MAST4: variants seen among roughly 807,000 people sequenced by gnomAD.
The protein encoded by MAST4 is microtubule associated serine/threonine kinase family member 4.
In MAST4, 89 loss-of-function variants were observed where a neutral mutation model predicts 162.7. The observed-to-expected ratio is 0.55, with a 90% CI of 0.46 to 0.65. MAST4 has a LOEUF of 0.65. Ranked by LOEUF, MAST4 falls within the 30% of genes least tolerant of loss-of-function variation. MAST4 has a pLI of 0.00. For synonymous variants in MAST4, 1,479 were observed against 1,361.1 expected, an observed-to-expected ratio of 1.09 and a Z score of -1.91; for missense variants, 3,153 against 3,374.0, an observed-to-expected ratio of 0.93 and a Z score of 1.62.
intron 6 of MAST4, 138 bp downstream of exon 6, chr5:67,090,369 C>T: frequency 4.9e-6 from 2 of 404,608 alleles, no homozygotes; most frequent in Non-Finnish European, 9.1e-6. Flanking sequence ...CCCCCCACTT[C>T]CCCTTCTGCC....
At chr5:66,665,482 A>C (rs1180780999) in intron 1 of MAST4, among the ~76,000 whole-genome samples, 1 of 152,232 alleles carries the variant, frequency 6.6e-6, no homozygotes, top group Non-Finnish European at 1.5e-5. Flanking sequence ...GAACTATTTT[A>C]AATGGTATGA....
intron 1 of MAST4, among the ~76,000 whole-genome samples, chr5:66,653,934 G>C (rs1199901890): frequency 6.6e-6 from 1 of 152,162 alleles, no homozygotes; most frequent in Non-Finnish European, 1.5e-5. Context: ...GCCTGGCATA[G>C]TGCTGAACCA....
intron 14 of MAST4, among the ~76,000 whole-genome samples, chr5:67,127,245 C>T (rs1393245659): frequency 6.6e-6 from 1 of 152,148 alleles, no homozygotes; most frequent in African/African-American, 2.4e-5. Context: ...TACCTGATTG[C>T]CCTGGCCAGA....
chr5:66,994,721 T>A (rs538582810), intron 4 of MAST4, among the ~76,000 whole-genome samples: 1 of 152,366 alleles, frequency 6.6e-6, no homozygotes, highest in South Asian at 2.1e-4. Context: ...TAAACTGAAT[T>A]ACCTAGTCTC....
At position 66,703,698 on chromosome 5, in the gene MAST4, C is replaced by T. The variant is rs535824323; in HGVS notation, c.364-56011C>T. Among the ~76,000 whole-genome samples the T allele has an allele frequency of 3.2e-4, 49 of 152,242 alleles. 1 individual carries two copies. In the South Asian group the frequency reaches 1.0e-2, roughly 31 times the overall value. ...GCCCTCATGCTCATTTACAGTCACTCCCTGTTCTCTCCAGAAGAATGGTTT... is the reference window on the plus strand; with the variant it reads ...GCCCTCATGCTCATTTACAGTCACTTCCTGTTCTCTCCAGAAGAATGGTTT... On this transcript the variant is annotated intron_variant, in intron 1 of 28. Transcript: ENST00000403625.
chr5:66,885,785 C>T (rs961605705), intron 3 of MAST4, among the ~76,000 whole-genome samples: 10 of 152,086 alleles, frequency 6.6e-5, no homozygotes, highest in South Asian at 2.1e-4. Flanking sequence ...TCCTTTGGTG[C>T]GCTGAAGATA....
chr5:66,678,936 C>T (rs1385323468), intron 1 of MAST4, among the ~76,000 whole-genome samples: 3 of 152,108 alleles, frequency 2.0e-5, no homozygotes, highest in East Asian at 1.9e-4. Context: ...GGATTACAGG[C>T]ATGCACCACC....
intron 15 of MAST4, among the ~76,000 whole-genome samples, chr5:67,131,308 A>T (rs1294394577): frequency 1.3e-5 from 2 of 152,116 alleles, no homozygotes; most frequent in African/African-American, 4.8e-5. Flanking sequence ...TTAATATGTG[A>T]TATGTGTTGG....
chr5:67,011,301 C>T (rs925930028), intron 4 of MAST4, among the ~76,000 whole-genome samples: 10 of 152,150 alleles, frequency 6.6e-5, no homozygotes, highest in Admixed American at 2.6e-4. Context: ...CTCCTCTCCA[C>T]GCCTGACCTG....
chr5:66,825,063 A>T (rs1484581201), intron 3 of MAST4, among the ~76,000 whole-genome samples: 1 of 152,180 alleles, frequency 6.6e-6, no homozygotes, highest in East Asian at 1.9e-4. Flanking sequence ...TTCTTTATTC[A>T]GTGATAAATT....
At chr5:67,115,012 C>G (rs979787110) in intron 12 of MAST4, 4 of 144,008 alleles carry the variant, frequency 2.8e-5, no homozygotes, top group Non-Finnish European at 4.5e-5. Context: ...CACCACTGCA[C>G]TCCAGCCTGG....
intron 5 of MAST4, among the ~76,000 whole-genome samples, chr5:67,081,004 AT>A (rs940522031): frequency 2.3e-4 from 31 of 132,154 alleles, no homozygotes; most frequent in Admixed American, 2.3e-3. Flanking sequence ...ATATTATATA[AT>A]ATAATATATA....
intron 4 of MAST4, among the ~76,000 whole-genome samples, chr5:66,923,938 TA>T (rs1443259848): frequency 6.6e-6 from 1 of 152,248 alleles, no homozygotes; most frequent in East Asian, 1.9e-4. Context: ...AAGCTCATCT[TA>T]AGATGTGTTT....
At chr5:67,028,095 A>T (rs959908485) in intron 4 of MAST4, among the ~76,000 whole-genome samples, 4 of 152,068 alleles carry the variant, frequency 2.6e-5, no homozygotes, top group Admixed American at 6.6e-5. Flanking sequence ...ATCATGTGTG[A>T]GTATATGTCT....
chr5:67,169,072 T>C lies in MAST4; in HGVS notation c.*2021T>C, dbSNP rs1212735282. On this transcript the variant is annotated 3_prime_UTR_variant, in exon 29 of 29. Transcript: ENST00000403625. ...CTGGTCTCAACGTTTATAATACATATCTGTGTTTGGCAGTTGTCATAACCC... is the reference window on the plus strand; with the variant it reads ...CTGGTCTCAACGTTTATAATACATACCTGTGTTTGGCAGTTGTCATAACCC... 2.0e-5 allele frequency: 3 copies of C among 152,158 alleles called. No homozygotes were observed. Among genetic ancestry groups the C allele is most frequent in the Non-Finnish European group, 2.9e-5 (2 of 68,028 alleles). The allele number at this position is 152,158 out of a possible 1,614,324, so 9.4% of individuals were successfully genotyped here.
At chr5:67,072,439 T>C (rs1030290713) in intron 5 of MAST4, among the ~76,000 whole-genome samples, 14 of 152,212 alleles carry the variant, frequency 9.2e-5, no homozygotes, top group Non-Finnish European at 1.9e-4. Context: ...TTTAGACTAA[T>C]GGCCAATGTC....
chr5:66,791,465 A>G (rs962327044), intron 3 of MAST4, among the ~76,000 whole-genome samples: 3 of 152,222 alleles, frequency 2.0e-5, no homozygotes, highest in Non-Finnish European at 4.4e-5. Flanking sequence ...AATAGAAAAC[A>G]TGAGAAGAGT....
At chr5:67,064,496 G>A (rs149495367) in intron 5 of MAST4, among the ~76,000 whole-genome samples, 145 of 152,320 alleles carry the variant, frequency 9.5e-4, no homozygotes, top group Admixed American at 2.5e-3. Flanking sequence ...CCCCAAAAGA[G>A]GGAGTCTTCC....
intron 10 of MAST4, among the ~76,000 whole-genome samples, chr5:67,105,542 T>TGCAG (rs1358020159): frequency 6.6e-6 from 1 of 152,354 alleles, no homozygotes; most frequent in East Asian, 1.9e-4. Flanking sequence ...AGTCCACTGA[T>TGCAG]GCAGTCCCTT....
Sources: allele counts gnomAD v4.1 joint callset (sites outside exome capture counted in the v4.1 genomes callset), GRCh38; gene constraint gnomAD v4.1.1; transcripts MANE v1.5; gene names NCBI Gene and HGNC (gene_info 2026-07-23, HGNC 2026-07-21).